The following PLAC1 variants were observed in gnomAD, a reference collection of about 807,000 sequenced individuals.
PLAC1 encodes placenta associated 1.
For missense variants in PLAC1, 136 were observed against 163.2 expected, an observed-to-expected ratio of 0.83 and a Z score of 0.91; for synonymous variants, 68 against 62.1, an observed-to-expected ratio of 1.09 and a Z score of -0.44.
At chrX:134,669,193 A>G (rs758374710) in intron 2 of PLAC1, among the ~76,000 whole-genome samples, 65 of 111,706 alleles carry the variant, frequency 5.8e-4, no homozygotes, top group Non-Finnish European at 1.1e-3. Flanking sequence ...ATGTGGTTCA[A>G]TTAAGTCCGC....
intron 2 of PLAC1, among the ~76,000 whole-genome samples, chrX:134,575,768 C>CAA (rs779874830): frequency 1.8e-5 from 1 of 56,375 alleles, no homozygotes; most frequent in African/African-American, 8.0e-5. Flanking sequence ...GACTCCGTCT[C>CAA]AAAAAAAAAA....
At chrX:134,590,005 C>A (rs944152038) in intron 2 of PLAC1, among the ~76,000 whole-genome samples, 1 of 99,630 alleles carries the variant, frequency 1.0e-5, no homozygotes, top group East Asian at 3.3e-4. Flanking sequence ...ACCATCCTGG[C>A]TAACATGGTG....
upstream of PLAC1, among the ~76,000 whole-genome samples, chrX:134,662,517 A>G (rs543762542): frequency 1.6e-4 from 18 of 112,255 alleles, no homozygotes; most frequent in South Asian, 6.3e-3. Context: ...TGTTGTGTTG[A>G]TTGTCTTGAC....
chrX:134,595,891 A>G (rs1035829785), intron 2 of PLAC1, among the ~76,000 whole-genome samples: 4 of 110,316 alleles, frequency 3.6e-5, no homozygotes, highest in African/African-American at 1.3e-4. Flanking sequence ...GTTAGGATCT[A>G]AGTCTGCCAT....
rs927801675 is a variant in PLAC1 at position 134,604,816 on chromosome X, T to C, written c.-130-2694A>G. ...ATTATGCAGGGCTATCATTCTTCCT[T>C]AGTGGAAACAACACTGCCCTTTGTA... On this transcript the variant is annotated intron_variant, in intron 1 of 2. Coordinates refer to ENST00000359237, the MANE Select transcript of PLAC1 (RefSeq NM_021796.4). Among the ~76,000 whole-genome samples the C allele has an allele frequency of 2.7e-5, 3 of 111,427 alleles. No individual in the cohort carries two copies. The Admixed American group carries it at 2.9e-4, about 11-fold the overall frequency.
intron 2 of PLAC1, among the ~76,000 whole-genome samples, chrX:134,726,639 A>G (rs1341053779): frequency 9.1e-6 from 1 of 110,172 alleles, no homozygotes; most frequent in African/African-American, 3.3e-5. Flanking sequence ...CCTGGCCAAC[A>G]TGGTGAAACC....
intron 1 of PLAC1, among the ~76,000 whole-genome samples, chrX:134,623,069 C>T (rs778942683): frequency 6.2e-5 from 7 of 112,398 alleles, no homozygotes; most frequent in Non-Finnish European, 1.3e-4. Flanking sequence ...AGAGCCTTCA[C>T]GTCTGAGCTC....
chrX:134,582,729 G>A lies in PLAC1; in HGVS notation c.-58-15989C>T, dbSNP rs185223501. Among the ~76,000 whole-genome samples, 50 of 111,598 alleles carry A rather than the reference G, an allele frequency of 4.5e-4. 1 individual carries two copies. Among genetic ancestry groups the A allele is most frequent in the Non-Finnish European group, 8.1e-4 (43 of 53,156 alleles). On this transcript the variant is annotated intron_variant, in intron 2 of 2. Transcript: ENST00000359237. Reference sequence around the variant, plus strand: ...GATTTGGGTGAGGAGAAAAGGCAAGGTTATGGAGAAGACAATGACTTAGCT... The same window carrying A: ...GATTTGGGTGAGGAGAAAAGGCAAGATTATGGAGAAGACAATGACTTAGCT...
At chrX:134,619,946 A>C (rs910675173) in intron 1 of PLAC1, among the ~76,000 whole-genome samples, 1 of 112,128 alleles carries the variant, frequency 8.9e-6, no homozygotes, top group Non-Finnish European at 1.9e-5. Context: ...GTAGGCAGTA[A>C]GTTTTTTGTT....
chrX:134,713,740 G>T (rs1745698806), intron 2 of PLAC1, among the ~76,000 whole-genome samples: 2 of 112,077 alleles, frequency 1.8e-5, no homozygotes, highest in African/African-American at 6.5e-5. Context: ...ATTACTTCAG[G>T]AGCAGAGAAG....
chrX:134,701,322 A>G (rs751060954), intron 2 of PLAC1, among the ~76,000 whole-genome samples: 2 of 112,017 alleles, frequency 1.8e-5, no homozygotes, highest in South Asian at 7.4e-4. Flanking sequence ...AAGACCACAT[A>G]CTATAAAAAT....
intron 1 of PLAC1, among the ~76,000 whole-genome samples, chrX:134,744,780 G>T (rs780230451): frequency 9.8e-5 from 11 of 111,708 alleles, no homozygotes; most frequent in Non-Finnish European, 2.1e-4. Flanking sequence ...TTTGCAGTTT[G>T]CTATTTTTGT....
At chrX:134,664,784 C>T (rs2078430608) in intron 2 of PLAC1, among the ~76,000 whole-genome samples, 1 of 111,774 alleles carries the variant, frequency 8.9e-6, no homozygotes, top group Non-Finnish European at 1.9e-5. Context: ...AACTTCCTTT[C>T]TCCATGAGCC....
chrX:134,599,151 C>G (rs1020195745), intron 2 of PLAC1, among the ~76,000 whole-genome samples: 13 of 111,554 alleles, frequency 1.2e-4, no homozygotes, highest in Non-Finnish European at 2.3e-4. Context: ...GAGCCCTATA[C>G]TTGCTGGAAT....
chrX:134,691,224 A>C (rs900120402), intron 2 of PLAC1, among the ~76,000 whole-genome samples: 1 of 106,159 alleles, frequency 9.4e-6, no homozygotes, highest in Non-Finnish European at 1.9e-5. Context: ...GGCTGTTACT[A>C]TAAAAATTTC....
intron 2 of PLAC1, among the ~76,000 whole-genome samples, chrX:134,692,007 T>C (rs1003374022): frequency 8.9e-6 from 1 of 112,158 alleles, no homozygotes; most frequent in Non-Finnish European, 1.9e-5. Context: ...CAGGATAACA[T>C]GCAGATGTAT....
At chrX:134,756,147 G>A (rs748750621) in intron 1 of PLAC1, among the ~76,000 whole-genome samples, 45 of 110,274 alleles carry the variant, frequency 4.1e-4, no homozygotes, top group African/African-American at 1.4e-3. Flanking sequence ...CACCACGCCC[G>A]GCCTTCATCA....
chrX:134,723,633 T>C (rs2078665431), intron 2 of PLAC1, among the ~76,000 whole-genome samples: 1 of 111,269 alleles, frequency 9.0e-6, no homozygotes, highest in African/African-American at 3.3e-5. Context: ...TACCTTAAGA[T>C]AAAATTATCT....
At chrX:134,575,010 T>A (rs1006835662) in intron 2 of PLAC1, among the ~76,000 whole-genome samples, 1 of 111,320 alleles carries the variant, frequency 9.0e-6, no homozygotes, top group African/African-American at 3.3e-5. Flanking sequence ...CATACACAGA[T>A]ACAGAAATCA....
Sources: gnomAD v4.1 joint callset for allele counts (sites outside exome capture counted in the v4.1 genomes callset) on GRCh38, gnomAD v4.1.1 for gene constraint, MANE v1.5 for transcripts, NCBI Gene and HGNC (gene_info 2026-07-23, HGNC 2026-07-21) for gene names.